Variants in NFYC observed in about 807,000 individuals in gnomAD.
NFYC encodes nuclear transcription factor Y subunit gamma, also known as CAAT box DNA-binding protein subunit C.
In NFYC, 25 loss-of-function variants were observed where a neutral mutation model predicts 53.1. That is an observed-to-expected ratio of 0.47 (90% CI 0.34 to 0.66). The LOEUF is 0.66. Ranked by LOEUF, NFYC falls within the 30% of genes least tolerant of loss-of-function variation. The pLI, the probability that NFYC is intolerant of heterozygous loss-of-function variation, is 0.01. For missense variants in NFYC, 260 were observed against 422.7 expected (o/e 0.62, Z 3.38); for synonymous variants, 145 against 152.6 (o/e 0.95, Z 0.37).
intron 5 of NFYC, among the ~76,000 whole-genome samples, 175 bp downstream of exon 5, chr1:40,753,421 T>G (rs1035083108): frequency 4.6e-5 from 7 of 152,230 alleles, no homozygotes; most frequent in Admixed American, 3.3e-4. Context: ...TACTTTTAAC[T>G]CAGTGCCTCC....
At chr1:40,699,033 G>A (rs1223988518) in intron 1 of NFYC, among the ~76,000 whole-genome samples, 1 of 151,904 alleles carries the variant, frequency 6.6e-6, no homozygotes, top group Non-Finnish European at 1.5e-5. Flanking sequence ...GCGTGGTGGT[G>A]GGCCTCTGTA....
At chr1:40,733,126 A>T (rs1376792538) in intron 1 of NFYC, among the ~76,000 whole-genome samples, 1 of 149,562 alleles carries the variant, frequency 6.7e-6, no homozygotes, top group African/African-American at 2.5e-5. Context: ...ATCCAGAGAG[A>T]TGAATCATAT....
chr1:40,702,982 A>G (rs1039755330), intron 1 of NFYC, among the ~76,000 whole-genome samples: 7 of 151,876 alleles, frequency 4.6e-5, no homozygotes, highest in Non-Finnish European at 7.4e-5. Flanking sequence ...ACGCCCAGCT[A>G]CTTTTTGTAT....
chr1:40,700,044 C>T (rs900988945), intron 1 of NFYC, among the ~76,000 whole-genome samples: 1 of 152,106 alleles, frequency 6.6e-6, no homozygotes, highest in Non-Finnish European at 1.5e-5. Context: ...TAGTGGAGCC[C>T]AGTTGAGCAG....
intron 6 of NFYC, among the ~76,000 whole-genome samples, chr1:40,759,822 A>G (rs1056901703): frequency 2.6e-5 from 4 of 152,140 alleles, no homozygotes; most frequent in Non-Finnish European, 4.4e-5. Context: ...GGCCGTAGGA[A>G]AGTAGTCAGC....
At chr1:40,725,158 A>G (rs1227057943) in intron 1 of NFYC, among the ~76,000 whole-genome samples, 5 of 152,216 alleles carry the variant, frequency 3.3e-5, no homozygotes, top group Non-Finnish European at 5.9e-5. Context: ...GCCTGAACTT[A>G]GTTTCCTGCA....
At chr1:40,716,877 A>T (rs1644155414) in intron 1 of NFYC, among the ~76,000 whole-genome samples, 1 of 152,134 alleles carries the variant, frequency 6.6e-6, no homozygotes, top group South Asian at 2.1e-4. Context: ...TGAGGAACAG[A>T]GGAGAAAAAG....
intron 7 of NFYC, 145 bp from the exon 8 acceptor site, chr1:40,766,451 T>A: frequency 1.6e-6 from 1 of 618,650 alleles, no homozygotes; most frequent in African/African-American, 1.8e-5. Flanking sequence ...TTTTGACCTC[T>A]GTTTAAAAGG....
At chr1:40,738,398 A>G (rs1220386970) in intron 1 of NFYC, among the ~76,000 whole-genome samples, 2 of 152,222 alleles carry the variant, frequency 1.3e-5, no homozygotes, top group Non-Finnish European at 2.9e-5. Flanking sequence ...GACTTTTAAT[A>G]TAAGAATTTG....
chr1:40,699,809 G>T (rs1367850034), intron 1 of NFYC, among the ~76,000 whole-genome samples: 2 of 152,170 alleles, frequency 1.3e-5, no homozygotes, highest in African/African-American at 4.8e-5. Flanking sequence ...GTTCTGTGTA[G>T]TGCTAATCAG....
At position 40,771,512 on chromosome 1, in the gene NFYC, C is replaced by T. The variant is rs1199972264; in HGVS notation, c.*684C>T. ...ACTTTGTGTGTTTGCTGCCCACCTC[C>T]CTTTTATTTTTTAAATGCATTAAAA... On this transcript the variant is annotated 3_prime_UTR_variant, in exon 10 of 10. Transcript: ENST00000447388. 1.1e-5 allele frequency: 5 copies of T among 453,912 alleles called. No homozygotes were observed. In the East Asian group the frequency reaches 3.6e-4, roughly 33 times the overall value. 28.1% of individuals were successfully genotyped at this position (453,912 alleles called of 1,614,324 possible).
intron 1 of NFYC, among the ~76,000 whole-genome samples, chr1:40,731,768 G>A (rs1440450461): frequency 6.6e-6 from 1 of 152,230 alleles, no homozygotes; most frequent in African/African-American, 2.4e-5. Flanking sequence ...ACAGGCGTGA[G>A]CCACCGCGCC....
rs1196933385 is a variant in NFYC, at chr1:40,766,617, C to A, written c.742C>A (p.Leu248Met). ...CTAGGTGCAGCTGAATGCCGGCCAG[C>A]TGCAGTATATCCGCTTAGCCCAGCC... The part of the protein sequence containing the change: ...QIPVQLNAGQ[L>M]QYIRLAQPVS... The change falls in exon 8 of 10, where the codon CTG becomes ATG. Residue 248 changes from leucine (L) to methionine (M), a missense_variant. Transcript: ENST00000447388. 1 of 1,614,048 alleles carries A rather than the reference C, an allele frequency of 6.2e-7. No homozygotes were observed. The highest frequency in any genetic ancestry group is 1.7e-5 in the Admixed American group (1 of 60,012).
At chr1:40,695,792 A>G (rs1401827584) in intron 1 of NFYC, 1 of 152,166 alleles carries the variant, frequency 6.6e-6, no homozygotes, top group Non-Finnish European at 1.5e-5. Context: ...CTGAGCCACT[A>G]GGATCTGTGA....
At chr1:40,744,982 T>C (rs556922573) in intron 2 of NFYC, among the ~76,000 whole-genome samples, 46 of 152,284 alleles carry the variant, frequency 3.0e-4, no homozygotes, top group African/African-American at 1.1e-3. Context: ...AGATCCACTT[T>C]TACACACTGC....
At chr1:40,728,688 A>G (rs1281704981) in intron 1 of NFYC, among the ~76,000 whole-genome samples, 1 of 151,836 alleles carries the variant, frequency 6.6e-6, no homozygotes, top group Non-Finnish European at 1.5e-5. Flanking sequence ...CCCAGGCTGG[A>G]GTGCAGTGGT....
chr1:40,754,901 T>C (rs1174612608), intron 5 of NFYC, among the ~76,000 whole-genome samples: 1 of 152,220 alleles, frequency 6.6e-6, no homozygotes, highest in Non-Finnish European at 1.5e-5. Flanking sequence ...AAACAGCTTC[T>C]TGTTGCTTGG....
chr1:40,756,227 T>C (rs4660453), intron 5 of NFYC, among the ~76,000 whole-genome samples: 133,519 of 152,218 alleles, frequency 0.88, 58,679 homozygotes, highest in East Asian at 0.98. Context: ...GTATTTTAGC[T>C]TTGCCACAGC....
At chr1:40,767,647 G>C (rs1458358189) in intron 8 of NFYC, among the ~76,000 whole-genome samples, 1 of 152,114 alleles carries the variant, frequency 6.6e-6, no homozygotes, top group Non-Finnish European at 1.5e-5. Flanking sequence ...CATGGGAGTG[G>C]GAGGAAATGA....
Sources: gnomAD v4.1 joint callset for allele counts (sites outside exome capture counted in the v4.1 genomes callset) on GRCh38, gnomAD v4.1.1 for gene constraint, MANE v1.5 for transcripts, NCBI Gene and HGNC (gene_info 2026-07-23, HGNC 2026-07-21) for gene names.